The following NCK2 variants were observed in gnomAD, a reference collection of about 807,000 sequenced individuals.
NCK2 encodes the protein NCK adaptor protein 2.
NCK2 carries 16 observed loss-of-function variants against 33.9 expected under a neutral mutation model. That is an observed-to-expected ratio of 0.47 (90% CI 0.32 to 0.72). The LOEUF (loss-of-function observed/expected upper bound fraction) is 0.72. NCK2 is among the 30% of genes least tolerant of loss of function. NCK2 has a pLI of 0.03. For synonymous variants in NCK2, 273 were observed against 239.9 expected (o/e 1.14, Z -1.27); for missense variants, 418 against 537.3 (o/e 0.78, Z 2.19).
At chr2:105,871,852 C>T (rs1678024436) in intron 3 of NCK2, among the ~76,000 whole-genome samples, 1 of 152,106 alleles carries the variant, frequency 6.6e-6, no homozygotes, top group South Asian at 2.1e-4. Flanking sequence ...GGGTCAACTT[C>T]CTAAGGTCAA....
At chr2:105,820,937 C>T (rs1277488723) in intron 2 of NCK2, among the ~76,000 whole-genome samples, 2 of 152,038 alleles carry the variant, frequency 1.3e-5, no homozygotes, top group Non-Finnish European at 1.5e-5. Flanking sequence ...GCATGTCCAG[C>T]GTGTAAATGT....
chr2:105,855,307 G>A lies in NCK2; in HGVS notation c.226+18G>A, dbSNP rs1024528864. The A allele has an allele frequency of 9.6e-6, 15 of 1,555,158 alleles. No homozygotes were observed. The highest frequency in any genetic ancestry group is 3.7e-5 in the Admixed American group (2 of 53,492). The stretch of plus-strand genomic sequence containing the variant: ...CACACTAGGTGAGTGTTTCACCCTC[G>A]AGAGAGGAAGCCTTGTGCATTTCAA... On this transcript the variant is annotated intron_variant, in intron 3 of 4. Coordinates refer to ENST00000233154, the MANE Select transcript of NCK2 (RefSeq NM_003581.5).
chr2:105,789,665 T>C (rs1460257874), intron 1 of NCK2, among the ~76,000 whole-genome samples: 1 of 152,234 alleles, frequency 6.6e-6, no homozygotes, highest in Non-Finnish European at 1.5e-5. Flanking sequence ...AAGCACTTAT[T>C]GTCCATCATC....
At chr2:105,848,190 C>T (rs1283472858) in intron 2 of NCK2, among the ~76,000 whole-genome samples, 1 of 152,198 alleles carries the variant, frequency 6.6e-6, no homozygotes, top group Non-Finnish European at 1.5e-5. Flanking sequence ...TAGACTGGCT[C>T]ATTTAATCCT....
chr2:105,871,904 A>C (rs748090753), intron 3 of NCK2, among the ~76,000 whole-genome samples: 4 of 152,234 alleles, frequency 2.6e-5, no homozygotes, highest in Non-Finnish European at 5.9e-5. Flanking sequence ...ATGACACCTG[A>C]CAACAACAGG....
chr2:105,762,399 G>GA (rs1689796413), intron 1 of NCK2, among the ~76,000 whole-genome samples: 4 of 152,270 alleles, frequency 2.6e-5, no homozygotes, highest in Admixed American at 1.3e-4. Context: ...CCTCTGCTTT[G>GA]AAAGGGGTTC....
intron 2 of NCK2, among the ~76,000 whole-genome samples, chr2:105,820,430 G>A (rs1675680997): frequency 6.6e-6 from 1 of 152,210 alleles, no homozygotes; most frequent in African/African-American, 2.4e-5. Context: ...CTGGGGCTGG[G>A]CTGAGAGCAG....
intron 3 of NCK2, among the ~76,000 whole-genome samples, chr2:105,856,009 T>C (rs1394658027): frequency 6.6e-6 from 1 of 152,160 alleles, no homozygotes; most frequent in Admixed American, 6.5e-5. Context: ...TAATTTTTTG[T>C]ATTTTTAGTA....
intron 1 of NCK2, among the ~76,000 whole-genome samples, chr2:105,782,458 CTCTTT>C (rs1280137985): frequency 2.0e-5 from 3 of 152,196 alleles, no homozygotes; most frequent in South Asian, 4.1e-4. Context: ...ATAATGAACG[CTCTTT>C]TCTTAAGTAT....
intron 4 of NCK2, among the ~76,000 whole-genome samples, chr2:105,887,530 TA>T (rs1489566242): frequency 1.2e-4 from 18 of 152,158 alleles, no homozygotes; most frequent in Non-Finnish European, 2.4e-4. Flanking sequence ...CATCATTTCA[TA>T]AAGTCCAAAG....
chr2:105,776,369 G>A (rs377136548), intron 1 of NCK2, among the ~76,000 whole-genome samples: 13 of 152,350 alleles, frequency 8.5e-5, no homozygotes, highest in African/African-American at 3.1e-4. Flanking sequence ...GTTTGGGGGA[G>A]GGAGTTCAGA....
intron 2 of NCK2, among the ~76,000 whole-genome samples, chr2:105,832,663 G>A (rs921686657): frequency 2.7e-5 from 4 of 150,056 alleles, no homozygotes; most frequent in Admixed American, 6.6e-5. Context: ...TGATCATGGT[G>A]TATTGTCTTT....
chr2:105,801,381 G>A (rs1450793209), intron 1 of NCK2, among the ~76,000 whole-genome samples: 5 of 151,616 alleles, frequency 3.3e-5, no homozygotes, highest in South Asian at 2.1e-4. Flanking sequence ...CCATGTCATC[G>A]TGTGCACCAG....
At chr2:105,801,008 G>T (rs1428967975) in intron 1 of NCK2, among the ~76,000 whole-genome samples, 1 of 152,130 alleles carries the variant, frequency 6.6e-6, no homozygotes, top group Non-Finnish European at 1.5e-5. Flanking sequence ...TTTTCTAAAC[G>T]CAGAAAAAAG....
chr2:105,838,023 T>A (rs1676496650), intron 2 of NCK2, among the ~76,000 whole-genome samples: 1 of 152,232 alleles, frequency 6.6e-6, no homozygotes, highest in Non-Finnish European at 1.5e-5. Context: ...TATTTAATCC[T>A]ATTTTGATCT....
At chr2:105,826,146 T>G (rs1675933377) in intron 2 of NCK2, among the ~76,000 whole-genome samples, 1 of 152,142 alleles carries the variant, frequency 6.6e-6, no homozygotes, top group Non-Finnish European at 1.5e-5. Flanking sequence ...CTCAGGAAAC[T>G]TAATCATGGC....
At chr2:105,830,691 G>GTGTGTGTGTGTGTGTGTA (rs763054555) in intron 2 of NCK2, among the ~76,000 whole-genome samples, 9,498 of 147,004 alleles carry the variant, frequency 0.065, 317 homozygotes, top group Non-Finnish European at 0.083. Context: ...GTGTGTGTGT[G>GTGTGTGTGTGTGTGTGTA]TGTGTGTGTG....
At chr2:105,805,720 C>A (rs917823611) in intron 1 of NCK2, among the ~76,000 whole-genome samples, 16 of 152,150 alleles carry the variant, frequency 1.1e-4, no homozygotes, top group African/African-American at 3.9e-4. Context: ...ACCTGGCTTA[C>A]TTCAGTTAGC....
At chr2:105,808,029 A>T (rs1275435733) in intron 1 of NCK2, among the ~76,000 whole-genome samples, 1 of 151,770 alleles carries the variant, frequency 6.6e-6, no homozygotes, top group Non-Finnish European at 1.5e-5. Flanking sequence ...TAGCCTCTTG[A>T]GTAGCCGGGA....
Sources: gnomAD v4.1 joint callset for allele counts (sites outside exome capture counted in the v4.1 genomes callset) on GRCh38, gnomAD v4.1.1 for gene constraint, MANE v1.5 for transcripts, NCBI Gene and HGNC (gene_info 2026-07-23, HGNC 2026-07-21) for gene names.